CACNA1E: variants seen among roughly 807,000 people sequenced by gnomAD.
The protein encoded by CACNA1E is calcium voltage-gated channel subunit alpha1 E.
In CACNA1E, 40 loss-of-function variants were observed where a neutral mutation model predicts 259.2. The observed-to-expected ratio is 0.15, with a 90% confidence interval of 0.12 to 0.20. The LOEUF is 0.20. Among genes scored for constraint, CACNA1E ranks in the 10% least tolerant of loss-of-function variants. CACNA1E has a pLI of 1.00. For synonymous variants in CACNA1E, 1,104 were observed against 1,138.5 expected (o/e 0.97, Z 0.61); for missense variants, 1,874 against 3,040.1 (o/e 0.62, Z 9.02).
intron 44 of CACNA1E, 96 bp downstream of exon 44, chr1:181,790,652 C>G (rs1441257890): frequency 3.6e-6 from 3 of 832,328 alleles, no homozygotes; most frequent in Non-Finnish European, 6.1e-6. Context: ...TCAGGAAAAT[C>G]CATTCTAGTA....
chr1:181,426,493 A>C, intron 2 of CACNA1E, among the ~76,000 whole-genome samples: 1 of 116,494 alleles, frequency 8.6e-6, no homozygotes, highest in African/African-American at 3.4e-5. Context: ...CATTCCCTTC[A>C]AAACTCAACC....
intron 1 of CACNA1E, among the ~76,000 whole-genome samples, chr1:181,397,087 C>G (rs1463338776): frequency 6.6e-6 from 1 of 152,134 alleles, no homozygotes; most frequent in African/African-American, 2.4e-5. Flanking sequence ...TTTCTGCCAC[C>G]AGATGAGGGA....
chr1:181,652,561 A>G (rs1658853920), intron 7 of CACNA1E, among the ~76,000 whole-genome samples: 1 of 152,228 alleles, frequency 6.6e-6, no homozygotes, highest in South Asian at 2.1e-4. Context: ...TTAATTGTTT[A>G]GGGAATGCCA....
chr1:181,593,497 T>C (rs1652861130), intron 6 of CACNA1E, among the ~76,000 whole-genome samples: 1 of 152,250 alleles, frequency 6.6e-6, no homozygotes, highest in South Asian at 2.1e-4. Flanking sequence ...GAATAACTGG[T>C]GAAACCTATG....
intron 2 of CACNA1E, among the ~76,000 whole-genome samples, chr1:181,427,286 A>G (rs1465144127): frequency 2.3e-5 from 3 of 129,922 alleles, no homozygotes; most frequent in Non-Finnish European, 5.0e-5. Flanking sequence ...TCTCAACCTC[A>G]CTCATCTCAA....
At chr1:181,532,274 A>G (rs1667843243) in intron 3 of CACNA1E, among the ~76,000 whole-genome samples, 1 of 152,228 alleles carries the variant, frequency 6.6e-6, no homozygotes, top group Non-Finnish European at 1.5e-5. Flanking sequence ...TGCATGACAC[A>G]GATTTCTTTT....
chr1:181,622,821 G>T (rs1444631597), intron 6 of CACNA1E, among the ~76,000 whole-genome samples: 5 of 151,936 alleles, frequency 3.3e-5, no homozygotes, highest in Admixed American at 3.3e-4. Flanking sequence ...ACCTTTTCTG[G>T]AAGTCTATTT....
chr1:181,754,004 C>T (rs1047997387), intron 27 of CACNA1E, among the ~76,000 whole-genome samples: 1 of 152,180 alleles, frequency 6.6e-6, no homozygotes, highest in African/African-American at 2.4e-5. Context: ...GGAGGAAGCA[C>T]TTCTCACAAT....
At chr1:181,784,832 G>T (rs1660723762) in intron 41 of CACNA1E, 64 bp downstream of exon 41, 1 of 974,588 alleles carries the variant, frequency 1.0e-6, no homozygotes, top group South Asian at 1.4e-5. Context: ...TACGTCTTTG[G>T]GGGGAACCCA....
Position 181,576,406 on chromosome 1 carries a change from C to T in CACNA1E, c.513-1360C>T, listed in dbSNP as rs186496772. Among the ~76,000 whole-genome samples the T allele has an allele frequency of 2.6e-5, 4 of 152,314 alleles. No individual in the cohort carries two copies. In the East Asian group the frequency reaches 5.8e-4, roughly 22 times the overall value. On this transcript the variant is annotated intron_variant, in intron 3 of 47. Transcript: ENST00000367573. ...TGGCAGCACTAATTGTGTCAGTTAC[C>T]GCTTGCGATTCTGTTGTCCTGGTCT... is the stretch of plus-strand genomic sequence containing the variant.
chr1:181,451,835 C>T (rs1477555247), intron 2 of CACNA1E, among the ~76,000 whole-genome samples: 1 of 152,148 alleles, frequency 6.6e-6, no homozygotes, highest in African/African-American at 2.4e-5. Flanking sequence ...GGAATTTGGA[C>T]TTTACCCTAC....
intron 1 of CACNA1E, among the ~76,000 whole-genome samples, chr1:181,337,668 C>T (rs1012197029): frequency 3.9e-5 from 6 of 152,128 alleles, no homozygotes; most frequent in South Asian, 2.1e-4. Flanking sequence ...CAGTTTCATT[C>T]GTGTTGTCTA....
At chr1:181,325,607 A>G (rs1650713950) in intron 1 of CACNA1E, among the ~76,000 whole-genome samples, 1 of 152,158 alleles carries the variant, frequency 6.6e-6, no homozygotes, top group African/African-American at 2.4e-5. Flanking sequence ...CTGAGTGTGG[A>G]GCATCCAGCA....
chr1:181,787,807 A>G (rs148205744), intron 43 of CACNA1E, among the ~76,000 whole-genome samples: 680 of 152,274 alleles, frequency 4.5e-3, no homozygotes, highest in Non-Finnish European at 6.8e-3. Flanking sequence ...GTGGTAAGAG[A>G]AAGTATGGTA....
intron 1 of CACNA1E, among the ~76,000 whole-genome samples, chr1:181,391,732 C>A (rs1285316156): frequency 1.3e-5 from 2 of 152,120 alleles, no homozygotes; most frequent in African/African-American, 2.4e-5. Context: ...AGGGTGGAAA[C>A]AGATGTGACA....
intron 25 of CACNA1E, among the ~76,000 whole-genome samples, chr1:181,741,559 A>AC (rs551847529): frequency 1.0e-3 from 157 of 151,966 alleles, no homozygotes; most frequent in African/African-American, 3.2e-3. Context: ...ATACAGACAC[A>AC]CCCCCCTTGC....
rs74127837 is a variant in CACNA1E, at chr1:181,736,259, C to T, written c.3263-16C>T. 1.0e-3 allele frequency: 1,642 copies of T among 1,569,698 alleles called. 14 individuals are homozygous for T. The African/African-American group carries it at 0.018, about 17-fold the overall frequency. ...GCCTCATGATTTCTGAAGATTTCAA[C>T]GTGTTCCTCTTGCAGTTAGCAACAA... is the stretch of plus-strand genomic sequence containing the variant. On this transcript the variant is annotated splice_polypyrimidine_tract_variant and intron_variant, in intron 21 of 47. Transcript: ENST00000367573.
intron 37 of CACNA1E, among the ~76,000 whole-genome samples, chr1:181,775,005 C>A (rs1659850225): frequency 6.6e-6 from 1 of 152,202 alleles, no homozygotes; most frequent in Non-Finnish European, 1.5e-5. Context: ...AGGTTTCTCT[C>A]TATTTACAGA....
intron 1 of CACNA1E, 31 bp from the exon 2 acceptor site, chr1:181,510,446 G>A (rs377009830): frequency 1.3e-6 from 2 of 1,483,024 alleles, no homozygotes; most frequent in African/African-American, 1.4e-5. Flanking sequence ...TCCCTCTCTG[G>A]TGAATTTGTT....
Sources: allele counts gnomAD v4.1 joint callset (sites outside exome capture counted in the v4.1 genomes callset), GRCh38; gene constraint gnomAD v4.1.1; transcripts MANE v1.5; gene names NCBI Gene and HGNC (gene_info 2026-07-23, HGNC 2026-07-21).